The following ACSF2 variants were observed in gnomAD, a reference collection of about 807,000 sequenced individuals.
ACSF2 encodes acyl-CoA synthetase family member 2, also known as medium-chain acyl-CoA ligase ACSF2, mitochondrial.
In ACSF2, 52 loss-of-function variants were observed where a neutral mutation model predicts 79.3. The observed-to-expected ratio is 0.66, with a 90% CI of 0.53 to 0.83. The LOEUF (loss-of-function observed/expected upper bound fraction) is 0.83. Among genes scored for constraint, ACSF2 ranks in the 40% least tolerant of loss-of-function variants. The pLI is 0.00. For synonymous variants in ACSF2, 283 were observed against 312.6 expected, an observed-to-expected ratio of 0.91 and a Z score of 1.00; for missense variants, 661 against 803.3, an observed-to-expected ratio of 0.82 and a Z score of 2.14.
chr17:50,427,742 A>G (rs557870788), intron 1 of ACSF2, among the ~76,000 whole-genome samples: 2 of 152,286 alleles, frequency 1.3e-5, no homozygotes, highest in South Asian at 4.1e-4. Context: ...ACAAACCAAT[A>G]AATAAGTAAT....
In ACSF2 at chr17:50,428,168, A is replaced by G. The variant is rs79415806; in HGVS notation, c.128+1779A>G. On this transcript the variant is annotated intron_variant, in intron 1 of 15. Transcript: ENST00000300441. ...CATGCCACTGCACTCTAGCCTGAGCAGCAGAGCAAAACCTAGACTCAAAAA... is the reference window on the plus strand; with the variant it reads ...CATGCCACTGCACTCTAGCCTGAGCGGCAGAGCAAAACCTAGACTCAAAAA... Among the ~76,000 whole-genome samples, 935 of 152,320 alleles carry G rather than the reference A, an allele frequency of 6.1e-3. 12 individuals carry two copies. Among genetic ancestry groups the G allele is most frequent in the Non-Finnish European group, 0.01 (694 of 68,040 alleles).
chr17:50,465,522 G>T, intron 10 of ACSF2: 1 of 1,535,850 alleles, frequency 6.5e-7, no homozygotes, highest in South Asian at 1.2e-5. Flanking sequence ...GGCCAGGATT[G>T]ACTTGGCCAC....
At chr17:50,442,331 T>TA (rs1447613085) in intron 1 of ACSF2, among the ~76,000 whole-genome samples, 1 of 150,748 alleles carries the variant, frequency 6.6e-6, no homozygotes, top group East Asian at 1.9e-4. Context: ...AACAATTTTT[T>TA]TTTTTTTTTT....
Position 50,474,018 on chromosome 17 carries a change from C to T in ACSF2, c.1728+14C>T. 6.6e-7 allele frequency: 1 copy of T among 1,522,276 alleles called. No individual in the cohort carries two copies. Among genetic ancestry groups the T allele is most frequent in the South Asian group, 1.3e-5 (1 of 76,842 alleles). The allele number at this position is 1,522,276 out of a possible 1,614,324, so 94.3% of individuals were successfully genotyped here. On this transcript the variant is annotated intron_variant, in intron 14 of 15. Coordinates refer to ENST00000300441, the MANE Select transcript of ACSF2 (RefSeq NM_025149.6). This position sits in a 1 kb window ranked among gnomAD's most constrained non-coding sequence, Gnocchi z 4.2. The stretch of plus-strand genomic sequence containing the variant: ...TGCAAAGGGAAGGTGGGAGCCTCCG[C>T]TCAACCTAGCTGATGCTGCTCTGTT...
At chr17:50,454,857 TTC>T (rs2031895867) in intron 1 of ACSF2, among the ~76,000 whole-genome samples, 1 of 152,182 alleles carries the variant, frequency 6.6e-6, no homozygotes. Context: ...ATTTTTTTTT[TTC>T]CCCCATAAAT....
At chr17:50,437,187 A>G (rs2030500231) in intron 1 of ACSF2, among the ~76,000 whole-genome samples, 2 of 152,234 alleles carry the variant, frequency 1.3e-5, no homozygotes, top group Non-Finnish European at 2.9e-5. Context: ...AGTGGTGTGC[A>G]AGGGAGACGG....
chr17:50,463,372 C>T lies in ACSF2; in HGVS notation c.889-23C>T. On this transcript the variant is annotated intron_variant, in intron 7 of 15. Transcript: ENST00000300441. The surrounding 1 kb of genome is among the most constrained non-coding windows in gnomAD (Gnocchi z 4.6). ...CTGGCGTCTGGCTCCAAGACAGACC[C>T]AGCCTCCTGTCTCCATCACCAGACA... 6.2e-7 allele frequency: 1 copy of T among 1,612,556 alleles called. No individual in the cohort carries two copies. The highest frequency in any genetic ancestry group is 8.5e-7 in the Non-Finnish European group (1 of 1,179,050).
At chr17:50,458,621 T>G (rs568020893) in intron 1 of ACSF2, among the ~76,000 whole-genome samples, 5 of 152,350 alleles carry the variant, frequency 3.3e-5, no homozygotes, top group African/African-American at 1.2e-4. Context: ...CACTCCTGTC[T>G]TTCCCACCAG....
chr17:50,474,009 G>C lies in ACSF2; in HGVS notation c.1728+5G>C. On this transcript the variant is annotated splice_donor_5th_base_variant and intron_variant, in intron 14 of 15. Coordinates refer to ENST00000300441, the MANE Select transcript of ACSF2 (RefSeq NM_025149.6). This position sits in a 1 kb window ranked among gnomAD's most constrained non-coding sequence, Gnocchi z 4.2. The stretch of plus-strand genomic sequence containing the variant: ...AAAGCTTTCTGCAAAGGGAAGGTGG[G>C]AGCCTCCGCTCAACCTAGCTGATGC... The C allele has an allele frequency of 1.3e-6, 2 of 1,516,712 alleles. No homozygotes were observed. Among genetic ancestry groups the C allele is most frequent in the Non-Finnish European group, 1.8e-6 (2 of 1,132,044 alleles). The allele number at this position is 1,516,712 out of a possible 1,614,324, so 94.0% of individuals were successfully genotyped here.
chr17:50,452,740 T>C (rs1205327543), intron 1 of ACSF2, among the ~76,000 whole-genome samples: 1 of 152,148 alleles, frequency 6.6e-6, no homozygotes, highest in African/African-American at 2.4e-5. Context: ...CCCAGGCATT[T>C]GTGGTGTGGG....
chr17:50,460,454 C>T, intron 1 of ACSF2: 1 of 579,224 alleles, frequency 1.7e-6, no homozygotes, highest in Non-Finnish European at 3.1e-6. Flanking sequence ...GCCCTTTGCT[C>T]CAGCTTGGTG....
intron 10 of ACSF2, chr17:50,465,486 C>G (rs1158081043): frequency 6.2e-7 from 1 of 1,606,628 alleles, no homozygotes; most frequent in Non-Finnish European, 8.5e-7. Flanking sequence ...GGTGGGAGTG[C>G]TGGGGGGAAG....
Position 50,463,326 on chromosome 17 carries a change from C to T in ACSF2, c.889-69C>T, listed in dbSNP as rs1240309278. The T allele has an allele frequency of 2.5e-5, 41 of 1,610,120 alleles. No homozygotes were observed. The highest frequency in any genetic ancestry group is 3.3e-4 in the Middle Eastern group (2 of 6,066). ...CAGGGGTGGGGGGCTGGCTGGGCTC[C>T]CCTTGCCAGCTAGAGAGGAACTGGC... On this transcript the variant is annotated intron_variant, in intron 7 of 15. Transcript: ENST00000300441. The surrounding 1 kb of genome is among the most constrained non-coding windows in gnomAD (Gnocchi z 4.6).
In ACSF2 at chr17:50,463,813, T is replaced by C. The variant is rs773202679; in HGVS notation, c.1047-5T>C. ...AGCCTAATTTCGAGACCTCCTCCTA[T>C]ACAGAGGCACCTTCCTGTATGGTAC... On this transcript the variant is annotated splice_region_variant and splice_polypyrimidine_tract_variant and intron_variant, in intron 8 of 15. Transcript: ENST00000300441. The surrounding 1 kb of genome is among the most constrained non-coding windows in gnomAD (Gnocchi z 4.6). The C allele has an allele frequency of 1.4e-5, 23 of 1,613,768 alleles. No homozygotes were observed. The South Asian group carries it at 2.1e-4, about 15-fold the overall frequency.
At chr17:50,460,242 C>T (rs1376824964) in intron 1 of ACSF2, 1 of 457,662 alleles carries the variant, frequency 2.2e-6, no homozygotes, top group African/African-American at 2.0e-5. Flanking sequence ...AGTCTAAAAT[C>T]CTAAGACCTT....
intron 10 of ACSF2, among the ~76,000 whole-genome samples, chr17:50,469,597 A>T (rs2033003562): frequency 6.6e-6 from 1 of 151,936 alleles, no homozygotes; most frequent in Non-Finnish European, 1.5e-5. Context: ...AGTGGGGGAG[A>T]GTGGCCCACA....
chr17:50,430,540 C>T lies in ACSF2; in HGVS notation c.128+4151C>T, dbSNP rs192702324. 2.6e-3 allele frequency among the ~76,000 whole-genome samples: 400 copies of T among 152,258 alleles called. 2 individuals carry two copies. The highest frequency in any genetic ancestry group is 8.9e-3 in the African/African-American group (368 of 41,546). Reference sequence around the variant, plus strand: ...ATTAGCTGGGCATGGTGGCGGGCGCCTGTAGTTTCAGCTACTTGGGAGGCT... The same window carrying T: ...ATTAGCTGGGCATGGTGGCGGGCGCTTGTAGTTTCAGCTACTTGGGAGGCT... On this transcript the variant is annotated intron_variant, in intron 1 of 15. Coordinates refer to ENST00000300441, the MANE Select transcript of ACSF2 (RefSeq NM_025149.6).
chr17:50,468,663 C>G lies in ACSF2; in HGVS notation c.1216-2365C>G, dbSNP rs569729037. On this transcript the variant is annotated intron_variant, in intron 10 of 15. Transcript: ENST00000300441. ...TGTAGGTTGAGCAGCTTGGTCTTCT[C>G]TGACACCTTGGGGATCTTCTGCAGC... 10 of 1,614,184 alleles carry G rather than the reference C, an allele frequency of 6.2e-6. No homozygotes were observed. In the East Asian group the frequency reaches 2.0e-4, roughly 32 times the overall value.
At chr17:50,428,789 TA>T (rs1412775782) in intron 1 of ACSF2, among the ~76,000 whole-genome samples, 1 of 151,910 alleles carries the variant, frequency 6.6e-6, no homozygotes, top group African/African-American at 2.4e-5. Flanking sequence ...CTCAAAAAAA[TA>T]AAAATAAAAA....
Sources: allele counts gnomAD v4.1 joint callset (sites outside exome capture counted in the v4.1 genomes callset), GRCh38; gene constraint gnomAD v4.1.1; non-coding constraint Gnocchi (gnomAD v3.1); transcripts MANE v1.5; gene names NCBI Gene and HGNC (gene_info 2026-07-23, HGNC 2026-07-21).